Variants in NR4A1 observed in about 807,000 individuals in gnomAD.
The protein encoded by NR4A1 is nuclear receptor subfamily 4immunitygroup A member 1.
Under a neutral mutation model 47.5 loss-of-function variants are expected in NR4A1, and 24 were observed. That is an observed-to-expected ratio of 0.50 (90% CI 0.37 to 0.71). NR4A1 has a LOEUF of 0.71. NR4A1 is among the 30% of genes least tolerant of loss of function. The pLI is 0.00. For synonymous variants in NR4A1, 353 were observed against 345.7 expected, an observed-to-expected ratio of 1.02 and a Z score of -0.24; for missense variants, 669 against 788.6, an observed-to-expected ratio of 0.85 and a Z score of 1.82.
At chr12:52,027,088 T>G (rs561632971) in intron 1 of NR4A1, among the ~76,000 whole-genome samples, 2 of 152,190 alleles carry the variant, frequency 1.3e-5, no homozygotes, top group African/African-American at 2.4e-5. Context: ...CAAATCTCCA[T>G]AGGGAGACTA....
At chr12:52,026,438 A>G (rs928184420) in intron 1 of NR4A1, among the ~76,000 whole-genome samples, 5 of 152,252 alleles carry the variant, frequency 3.3e-5, no homozygotes, top group African/African-American at 1.2e-4. Context: ...TTGTCTAATT[A>G]TAGCCAACAC....
chr12:52,054,509 A>T lies in NR4A1; in HGVS notation c.181A>T (p.Thr61Ser), dbSNP rs1367141937. The T allele has an allele frequency of 1.2e-6, 2 of 1,613,798 alleles. No homozygotes were observed. Among genetic ancestry groups the T allele is most frequent in the Non-Finnish European group, 1.7e-6 (2 of 1,179,958 alleles). Residue 61 changes from threonine to serine, a missense_variant, in exon 2 of 7, where the codon ACA becomes TCA. Thr to Ser is a moderately conservative substitution (Grantham distance 58). Transcript: ENST00000394825. ...CTTCAGCACCTTCATGGACGGCTACACAGGAGAGTTTGACACCTTCCTCTA... is the reference window on the plus strand; with the variant it reads ...CTTCAGCACCTTCATGGACGGCTACTCAGGAGAGTTTGACACCTTCCTCTA... ...PSFSTFMDGYTGEFDTFLYQL... is the reference protein window; with the variant it reads ...PSFSTFMDGYSGEFDTFLYQL...
chr12:52,033,100 G>C (rs990997826), intron 1 of NR4A1, among the ~76,000 whole-genome samples: 7 of 152,224 alleles, frequency 4.6e-5, no homozygotes, highest in Non-Finnish European at 5.9e-5. Context: ...CGCCGGGTGA[G>C]GTAATGGAAT....
chr12:52,046,141 G>A (rs1223760033), intron 2 of NR4A1, among the ~76,000 whole-genome samples: 9 of 152,212 alleles, frequency 5.9e-5, no homozygotes, highest in Admixed American at 5.9e-4. Flanking sequence ...ACTCAGTAGG[G>A]GTGGGGCCCA....
At chr12:52,055,628 G>A (rs1939221117) in intron 2 of NR4A1, 1 of 418,296 alleles carries the variant, frequency 2.4e-6, no homozygotes, top group African/African-American at 2.0e-5. Flanking sequence ...GTGGACTTGG[G>A]AACAGGCTGT....
At chr12:52,045,118 G>T (rs749767585) in intron 2 of NR4A1, among the ~76,000 whole-genome samples, 3 of 152,152 alleles carry the variant, frequency 2.0e-5, no homozygotes, top group African/African-American at 4.8e-5. Context: ...CCAGTGCTGG[G>T]TAGAGCCACA....
chr12:52,050,231 CCTGGCGGG>C (rs1938855358), upstream of NR4A1, among the ~76,000 whole-genome samples: 1 of 152,188 alleles, frequency 6.6e-6, no homozygotes, highest in South Asian at 2.1e-4. Flanking sequence ...CCAGCAGGGC[CCTGGCGGG>C]CTGTTCCTCA....
At chr12:52,039,508 C>T (rs1022592900) in intron 1 of NR4A1, among the ~76,000 whole-genome samples, 4 of 152,246 alleles carry the variant, frequency 2.6e-5, no homozygotes, top group Non-Finnish European at 2.9e-5. Context: ...AGAACCTCTG[C>T]TCTGGCTCTT....
chr12:52,043,992 C>T, intron 2 of NR4A1: 1 of 1,217,502 alleles, frequency 8.2e-7, no homozygotes, highest in Non-Finnish European at 1.1e-6. Context: ...ATGCCAAACC[C>T]TTTGGCCTTG....
At chr12:52,051,331 C>T (rs886736653), upstream of NR4A1, 63 of 903,868 alleles carry the variant, frequency 7.0e-5, no homozygotes, top group South Asian at 1.0e-3. Context: ...ACCGCACCGC[C>T]CCCCGCGCCC....
At position 52,035,245 on chromosome 12, in the gene NR4A1, G is replaced by A. The variant is rs565766984; in HGVS notation, c.-83-6565G>A. On this transcript the variant is annotated intron_variant, in intron 1 of 7. Transcript: ENST00000360284. ...TCCACATGCCACCCAAAGCGTGCGT[G>A]TTCTGGCATTCCACATTTTAGAATA... Among the ~76,000 whole-genome samples the A allele has an allele frequency of 2.0e-5, 3 of 152,298 alleles. No individual in the cohort carries two copies. The East Asian group carries it at 5.8e-4, about 29-fold the overall frequency.
At chr12:52,027,649 G>A (rs1435968304) in intron 1 of NR4A1, among the ~76,000 whole-genome samples, 1 of 152,216 alleles carries the variant, frequency 6.6e-6, no homozygotes, top group African/African-American at 2.4e-5. Flanking sequence ...CGGGGTGCAC[G>A]TGGGGGCTGC....
intron 6 of NR4A1, 23 bp from the exon 7 acceptor site, chr12:52,058,665 C>A: frequency 6.4e-7 from 1 of 1,555,604 alleles, no homozygotes; most frequent in Non-Finnish European, 8.7e-7. Context: ...AGATGTACAG[C>A]TAATCCTGTA....
chr12:52,055,556 C>CTCAT, intron 2 of NR4A1: 1 of 522,564 alleles, frequency 1.9e-6, no homozygotes. Context: ...CCCCCAGGCT[C>CTCAT]TCATGTTCCT....
chr12:52,053,137 A>C (rs1209612112), intron 1 of NR4A1, among the ~76,000 whole-genome samples: 7 of 152,120 alleles, frequency 4.6e-5, no homozygotes, highest in Admixed American at 1.3e-4. Flanking sequence ...GGCCAGAGTT[A>C]CGCAGACCCC....
chr12:52,026,226 A>C (rs1937996810), intron 1 of NR4A1, among the ~76,000 whole-genome samples: 1 of 152,248 alleles, frequency 6.6e-6, no homozygotes, highest in African/African-American at 2.4e-5. Context: ...CATGGGACAA[A>C]TATAATTTAT....
exon 2 of NR4A1, chr12:52,041,915 G>T: frequency 6.7e-7 from 1 of 1,489,250 alleles, no homozygotes; most frequent in Non-Finnish European, 8.9e-7. Flanking sequence ...AAGGCCTGTT[G>T]GTCCATCCAG....
intron 2 of NR4A1, among the ~76,000 whole-genome samples, chr12:52,046,195 C>A (rs979841150): frequency 6.6e-6 from 1 of 152,208 alleles, no homozygotes; most frequent in Non-Finnish European, 1.5e-5. Context: ...TGTGTAATTC[C>A]ACTTCCTTCA....
intron 1 of NR4A1, among the ~76,000 whole-genome samples, chr12:52,040,883 C>T (rs1592286806): frequency 1.3e-5 from 2 of 152,188 alleles, no homozygotes; most frequent in East Asian, 3.9e-4. Flanking sequence ...CTGGTCCTGC[C>T]CTCACTCTGG....
Sources: allele counts gnomAD v4.1 joint callset (sites outside exome capture counted in the v4.1 genomes callset), GRCh38; gene constraint gnomAD v4.1.1; transcripts MANE v1.5; gene names NCBI Gene and HGNC (gene_info 2026-07-23, HGNC 2026-07-21).